AFF1: variants seen among roughly 807,000 people sequenced by gnomAD.
AFF1 encodes the protein ALF transcription elongation factor 1.
Under a neutral mutation model 121.7 loss-of-function variants are expected in AFF1, and 48 were observed. That is an observed-to-expected ratio of 0.39 (90% CI 0.31 to 0.50). AFF1 has a LOEUF of 0.50. AFF1 is among the 20% of genes least tolerant of loss of function. The pLI is 0.76. For missense variants in AFF1, 1,523 were observed against 1,511.7 expected (o/e 1.01, Z -0.12); for synonymous variants, 613 against 563.0 (o/e 1.09, Z -1.26).
rs754213895 is a variant in AFF1, at chr4:87,105,687, GT to G, written c.1338+6del. Reference sequence around the variant, plus strand: ...GAGGACAGTGACAGTGAACAAGTAAGTGTTGCACAGCCTGTAATACCAGGAG... The same window carrying G: ...GAGGACAGTGACAGTGAACAAGTAAGGTTGCACAGCCTGTAATACCAGGAG... On this transcript the variant is annotated splice_donor_region_variant and intron_variant, in intron 9 of 20. Transcript: ENST00000395146. 1.9e-6 allele frequency: 3 copies of G among 1,614,154 alleles called. No individual in the cohort carries two copies. The South Asian group carries it at 3.3e-5, about 18-fold the overall frequency.
chr4:86,979,212 C>T (rs1488376714), intron 2 of AFF1, among the ~76,000 whole-genome samples: 3 of 152,206 alleles, frequency 2.0e-5, no homozygotes, highest in African/African-American at 7.2e-5. Context: ...ATTCTCCTGC[C>T]TCAGCCTCCC....
chr4:87,077,811 C>T (rs1722820935), intron 4 of AFF1, among the ~76,000 whole-genome samples: 1 of 152,020 alleles, frequency 6.6e-6, no homozygotes. Flanking sequence ...AAAGAGCATC[C>T]TTATTCTTTG....
chr4:87,137,696 G>A lies in AFF1; in HGVS notation c.*1995G>A, dbSNP rs897331318. 1 of 232,606 alleles carries A rather than the reference G, an allele frequency of 4.3e-6. No individual in the cohort carries two copies. The highest frequency in any genetic ancestry group is 8.5e-6 in the Non-Finnish European group (1 of 117,716). The allele number at this position is 232,606 out of a possible 1,614,324, so 14.4% of individuals were successfully genotyped here. ...AGTAATTGCCTGGTAGGTTTGGTGT[G>A]TGTGTAGCATTGTGTGTCCATCTGT... On this transcript the variant is annotated 3_prime_UTR_variant, in exon 21 of 21. Coordinates refer to ENST00000395146, the MANE Select transcript of AFF1 (RefSeq NM_001166693.3).
chr4:87,094,314 C>A (rs965728446), intron 7 of AFF1, among the ~76,000 whole-genome samples: 1 of 152,214 alleles, frequency 6.6e-6, no homozygotes, highest in African/African-American at 2.4e-5. Context: ...GACTTGTGTA[C>A]TTAATCTCAC....
At chr4:87,128,506 A>G (rs1313104183) in intron 16 of AFF1, among the ~76,000 whole-genome samples, 1 of 152,230 alleles carries the variant, frequency 6.6e-6, no homozygotes, top group Non-Finnish European at 1.5e-5. Context: ...ACCTCCCTGG[A>G]AAGCCATATG....
chr4:86,995,180 C>A (rs1560525222), intron 2 of AFF1, among the ~76,000 whole-genome samples: 1 of 152,106 alleles, frequency 6.6e-6, no homozygotes, highest in Non-Finnish European at 1.5e-5. Flanking sequence ...CTGCAGTCAA[C>A]TGAAATTGCA....
intron 2 of AFF1, among the ~76,000 whole-genome samples, chr4:86,978,942 G>C (rs527820860): frequency 1.9e-4 from 29 of 152,176 alleles, no homozygotes; most frequent in African/African-American, 6.5e-4. Flanking sequence ...TTTTGACCAG[G>C]TATAACTCTT....
chr4:87,064,333 C>G (rs548935867), intron 4 of AFF1, among the ~76,000 whole-genome samples: 1 of 152,192 alleles, frequency 6.6e-6, no homozygotes, highest in African/African-American at 2.4e-5. Context: ...AGATAGGCAA[C>G]ATTTGTATTG....
At chr4:87,034,929 G>A (rs924239015) in intron 2 of AFF1, among the ~76,000 whole-genome samples, 21 of 152,160 alleles carry the variant, frequency 1.4e-4, no homozygotes, top group South Asian at 4.1e-4. Context: ...ATTAAGCATC[G>A]CATTTATTAA....
intron 2 of AFF1, among the ~76,000 whole-genome samples, chr4:87,038,812 A>G (rs184652518): frequency 5.3e-5 from 8 of 152,336 alleles, no homozygotes; most frequent in African/African-American, 1.9e-4. Context: ...AGATGTCTCC[A>G]TCCTTATGAA....
At chr4:86,979,540 T>C (rs1723568369) in intron 2 of AFF1, among the ~76,000 whole-genome samples, 1 of 152,216 alleles carries the variant, frequency 6.6e-6, no homozygotes, top group Non-Finnish European at 1.5e-5. Context: ...TAAGGAGGAT[T>C]TCAATAGTCC....
chr4:87,005,178 T>C (rs1726006232), intron 2 of AFF1, among the ~76,000 whole-genome samples: 1 of 152,226 alleles, frequency 6.6e-6, no homozygotes, highest in African/African-American at 2.4e-5. Flanking sequence ...GGTCTCACCA[T>C]GTTGTCCAGG....
In AFF1 at chr4:87,088,173, T is replaced by G. The variant is rs1442875443; in HGVS notation, c.1105-1811T>G. Among the ~76,000 whole-genome samples, 7 of 152,238 alleles carry G rather than the reference T, an allele frequency of 4.6e-5. No individual in the cohort carries two copies. In the East Asian group the frequency reaches 1.2e-3, roughly 25 times the overall value. ...GGCTGGTAAGGATTGGAGTTAGGAT[T>G]CAATCTGGGTCTTTGGCTATAGCCA... On this transcript the variant is annotated intron_variant, in intron 5 of 20. Coordinates refer to ENST00000395146, the MANE Select transcript of AFF1 (RefSeq NM_001166693.3).
At chr4:86,997,585 A>C (rs925162708) in intron 2 of AFF1, among the ~76,000 whole-genome samples, 1 of 148,986 alleles carries the variant, frequency 6.7e-6, no homozygotes, top group Non-Finnish European at 1.5e-5. Context: ...ACACGGTGAA[A>C]CCCCATCTCT....
intron 2 of AFF1, among the ~76,000 whole-genome samples, chr4:87,022,543 G>GATATAT (rs1156817444): frequency 9.2e-4 from 74 of 80,146 alleles, no homozygotes; most frequent in African/African-American, 2.7e-3. Flanking sequence ...CGTGCTTACA[G>GATATAT]ATATATATAT....
intron 8 of AFF1, among the ~76,000 whole-genome samples, chr4:87,096,258 C>CCTTTTG (rs1022431956): frequency 2.2e-4 from 32 of 147,332 alleles, no homozygotes; most frequent in African/African-American, 7.3e-4. Context: ...GTTTTTAATG[C>CCTTTTG]CTTTTGCTGG....
intron 4 of AFF1, among the ~76,000 whole-genome samples, chr4:87,063,841 A>G (rs1024601074): frequency 2.0e-5 from 3 of 152,206 alleles, no homozygotes; most frequent in Admixed American, 6.5e-5. Flanking sequence ...AAAATTGTAT[A>G]TTATCCATCT....
intron 2 of AFF1, among the ~76,000 whole-genome samples, chr4:86,995,153 A>G (rs1253020850): frequency 1.3e-5 from 2 of 152,124 alleles, no homozygotes; most frequent in Non-Finnish European, 2.9e-5. Flanking sequence ...GGATTGCTTG[A>G]GCCCTGGAGA....
intron 5 of AFF1, among the ~76,000 whole-genome samples, chr4:87,087,453 C>G (rs1723852092): frequency 6.6e-6 from 1 of 152,212 alleles, no homozygotes; most frequent in African/African-American, 2.4e-5. Flanking sequence ...GACAGTGTCT[C>G]CAGAGCAGGA....
Sources: allele counts gnomAD v4.1 joint callset (sites outside exome capture counted in the v4.1 genomes callset), GRCh38; gene constraint gnomAD v4.1.1; transcripts MANE v1.5; gene names NCBI Gene and HGNC (gene_info 2026-07-23, HGNC 2026-07-21).